NXPH1: variants seen among roughly 807,000 people sequenced by gnomAD.
NXPH1 encodes the protein neurexophilin 1.
Under a neutral mutation model 23.7 loss-of-function variants are expected in NXPH1, and 5 were observed. The observed-to-expected ratio is 0.21, with a 90% CI of 0.11 to 0.44. The LOEUF is 0.44. Ranked by LOEUF, NXPH1 falls within the 20% of genes least tolerant of loss-of-function variation. The probability of loss-of-function intolerance (pLI) is 0.99; values close to 1 mark genes in which losing one functional copy is unlikely to be tolerated. For missense variants in NXPH1, 324 were observed against 321.6 expected (o/e 1.01, Z -0.06); for synonymous variants, 144 against 122.2 (o/e 1.18, Z -1.18).
intron 2 of NXPH1, among the ~76,000 whole-genome samples, chr7:8,646,133 T>C (rs1393347172): frequency 6.6e-6 from 1 of 152,154 alleles, no homozygotes; most frequent in African/African-American, 2.4e-5. Context: ...TCTTCAACTT[T>C]TAAATGGTCT....
At chr7:8,534,743 A>C (rs1435689505) in intron 2 of NXPH1, among the ~76,000 whole-genome samples, 1 of 152,072 alleles carries the variant, frequency 6.6e-6, no homozygotes, top group Non-Finnish European at 1.5e-5. Context: ...TATTCCTGCT[A>C]ACAGCGCTGT....
At chr7:8,518,997 A>T (rs1355659234) in intron 2 of NXPH1, among the ~76,000 whole-genome samples, 2 of 152,018 alleles carry the variant, frequency 1.3e-5, no homozygotes, top group African/African-American at 4.8e-5. Context: ...AGGAGATTGT[A>T]TCTTTATGTA....
intron 2 of NXPH1, among the ~76,000 whole-genome samples, chr7:8,707,282 C>T (rs73678834): frequency 2.6e-4 from 39 of 152,156 alleles, no homozygotes; most frequent in African/African-American, 8.9e-4. Context: ...TTCTACCTGG[C>T]CAAAATAATA....
intron 2 of NXPH1, among the ~76,000 whole-genome samples, chr7:8,458,745 TGA>T (rs1816641561): frequency 6.6e-6 from 1 of 152,084 alleles, no homozygotes. Context: ...CTTTAATTAA[TGA>T]GAGAGAAGAC....
At chr7:8,553,029 C>A (rs909075909) in intron 2 of NXPH1, among the ~76,000 whole-genome samples, 2 of 151,436 alleles carry the variant, frequency 1.3e-5, no homozygotes, top group Non-Finnish European at 3.0e-5. Flanking sequence ...AGAAAGAGAG[C>A]ACATATGTAC....
chr7:8,710,396 G>C (rs1350645193), intron 2 of NXPH1, among the ~76,000 whole-genome samples: 1 of 152,162 alleles, frequency 6.6e-6, no homozygotes, highest in East Asian at 1.9e-4. Context: ...ATTCTTCCAT[G>C]AGGGAGGAGG....
intron 2 of NXPH1, among the ~76,000 whole-genome samples, chr7:8,576,434 G>A (rs1405067672): frequency 6.6e-6 from 1 of 152,146 alleles, no homozygotes; most frequent in Non-Finnish European, 1.5e-5. Context: ...TGTATAATAG[G>A]AAGAACTAAT....
chr7:8,613,591 G>A, intron 2 of NXPH1, among the ~76,000 whole-genome samples: 1 of 151,884 alleles, frequency 6.6e-6, no homozygotes, highest in East Asian at 1.9e-4. Context: ...GTTAATGTAG[G>A]ATATCTTTGT....
chr7:8,681,540 C>T (rs939198491), intron 2 of NXPH1, among the ~76,000 whole-genome samples: 1 of 152,020 alleles, frequency 6.6e-6, no homozygotes, highest in African/African-American at 2.4e-5. Context: ...ATCCACTGAC[C>T]CCTTGTCTCC....
chr7:8,569,166 G>A (rs1365637211), intron 2 of NXPH1, among the ~76,000 whole-genome samples: 3 of 151,784 alleles, frequency 2.0e-5, no homozygotes, highest in African/African-American at 7.3e-5. Flanking sequence ...GACATGGAGA[G>A]CATCACCTAT....
Position 8,599,807 on chromosome 7 carries a change from A to ATTTTTT in NXPH1, c.55-151191_55-151186dup, listed in dbSNP as rs57462739. ...GCCCATGTTACCCTTAGATAGGAAG[A>ATTTTTT]TTTTTTTTTTTTTTTGGTGAAGGGA... On this transcript the variant is annotated intron_variant, in intron 2 of 2. Transcript: ENST00000405863. Among the ~76,000 whole-genome samples the ATTTTTT allele has an allele frequency of 5.1e-3, 740 of 145,186 alleles. 5 individuals carry two copies. Among genetic ancestry groups the ATTTTTT allele is most frequent in the African/African-American group, 0.018 (714 of 39,240 alleles).
chr7:8,488,070 T>C (rs921543812), intron 2 of NXPH1, among the ~76,000 whole-genome samples: 2 of 152,180 alleles, frequency 1.3e-5, no homozygotes, highest in Admixed American at 6.6e-5. Context: ...GCAAAGTCTT[T>C]ACTCATTATT....
intron 2 of NXPH1, among the ~76,000 whole-genome samples, chr7:8,725,674 A>G (rs923756896): frequency 4.6e-5 from 7 of 152,118 alleles, no homozygotes; most frequent in African/African-American, 1.4e-4. Flanking sequence ...GGTCTATTCT[A>G]TCTACTAGAC....
chr7:8,666,115 G>A (rs539532220), intron 2 of NXPH1, among the ~76,000 whole-genome samples: 2 of 151,774 alleles, frequency 1.3e-5, no homozygotes, highest in East Asian at 1.9e-4. Context: ...GGGCCTCCTT[G>A]CCTTGTTCTT....
chr7:8,549,622 G>C (rs893370987), intron 2 of NXPH1, among the ~76,000 whole-genome samples: 1 of 151,324 alleles, frequency 6.6e-6, no homozygotes, highest in African/African-American at 2.4e-5. Flanking sequence ...CTGCTTTTTG[G>C]AATTTTGTAA....
intron 2 of NXPH1, among the ~76,000 whole-genome samples, chr7:8,544,065 G>C (rs1003831216): frequency 1.8e-4 from 27 of 151,656 alleles, no homozygotes. Flanking sequence ...CCCAAGCCTA[G>C]TGTTCTTGCT....
intron 2 of NXPH1, among the ~76,000 whole-genome samples, chr7:8,596,602 C>T (rs1490326385): frequency 6.6e-6 from 1 of 152,116 alleles, no homozygotes; most frequent in East Asian, 1.9e-4. Context: ...AAGTAACACT[C>T]ATTAAACATT....
At chr7:8,514,770 C>G (rs1278490643) in intron 2 of NXPH1, among the ~76,000 whole-genome samples, 1 of 152,076 alleles carries the variant, frequency 6.6e-6, no homozygotes, top group Non-Finnish European at 1.5e-5. Context: ...TTCTTTTTCA[C>G]CAAGCGGATG....
chr7:8,507,431 A>T (rs905156788), intron 2 of NXPH1, among the ~76,000 whole-genome samples: 10 of 149,512 alleles, frequency 6.7e-5, no homozygotes, highest in African/African-American at 2.6e-4. Context: ...GAACATCTTA[A>T]GCTGTAATGA....
Sources: gnomAD v4.1 joint callset for allele counts (sites outside exome capture counted in the v4.1 genomes callset) on GRCh38, gnomAD v4.1.1 for gene constraint, MANE v1.5 for transcripts, NCBI Gene and HGNC (gene_info 2026-07-23, HGNC 2026-07-21) for gene names.